Variants in WLS observed in about 807,000 individuals in gnomAD.
WLS encodes Wnt ligand secretion mediator.
WLS carries 23 observed loss-of-function variants against 62.8 expected under a neutral mutation model. The ratio of observed to expected loss-of-function variants is 0.37; its 90% CI spans 0.26 to 0.52. The LOEUF (loss-of-function observed/expected upper bound fraction) is 0.52, where lower values mean the gene tolerates loss of function less well. Ranked by LOEUF, WLS falls within the 20% of genes least tolerant of loss-of-function variation. The pLI is 0.92. For missense variants in WLS, 615 were observed against 697.3 expected, an observed-to-expected ratio of 0.88 and a Z score of 1.33; for synonymous variants, 246 against 244.1, an observed-to-expected ratio of 1.01 and a Z score of -0.07.
At chr1:68,187,978 A>G (rs1294115991) in intron 2 of WLS, among the ~76,000 whole-genome samples, 11 of 152,326 alleles carry the variant, frequency 7.2e-5, no homozygotes, top group Middle Eastern at 3.4e-3. Context: ...ATGTTACTCA[A>G]TGATTCTGAT....
At chr1:68,125,018 T>G (rs1646408405), downstream of WLS, among the ~76,000 whole-genome samples, 1 of 152,188 alleles carries the variant, frequency 6.6e-6, no homozygotes, top group Admixed American at 6.5e-5. Context: ...ATCACAGACC[T>G]TCAACAGGAA....
At chr1:68,193,397 C>CT (rs1491438401) in intron 2 of WLS, among the ~76,000 whole-genome samples, 1 of 8,060 alleles carries the variant, frequency 1.2e-4, no homozygotes, top group East Asian at 4.2e-3. Flanking sequence ...TGCAAATAAG[C>CT]TAAAAAAAAA....
intron 2 of WLS, among the ~76,000 whole-genome samples, chr1:68,184,012 G>A (rs762725555): frequency 2.0e-5 from 3 of 152,070 alleles, no homozygotes; most frequent in Non-Finnish European, 2.9e-5. Context: ...CTTTCATTAC[G>A]TAAGAATAGG....
rs1304478233 is a variant in WLS, at chr1:68,144,664, G to T, written c.1279-12C>A. On this transcript the variant is annotated splice_polypyrimidine_tract_variant and intron_variant, in intron 9 of 11. Coordinates refer to ENST00000262348, the MANE Select transcript of WLS (RefSeq NM_024911.7). ...CTAAAAATTAGCCCCTATTAGAAAAGAAAGAGTAGTTTAATACTCCATCAG... is the reference window on the plus strand; with the variant it reads ...CTAAAAATTAGCCCCTATTAGAAAATAAAGAGTAGTTTAATACTCCATCAG... 1.2e-6 allele frequency: 2 copies of T among 1,609,244 alleles called. No homozygotes were observed. The highest frequency in any genetic ancestry group is 2.2e-5 in the East Asian group (1 of 44,832).
chr1:68,189,995 C>T (rs1405107740), intron 2 of WLS, among the ~76,000 whole-genome samples: 2 of 152,114 alleles, frequency 1.3e-5, no homozygotes, highest in African/African-American at 4.8e-5. Flanking sequence ...GGTGACAGAG[C>T]GAGACTCCGT....
In WLS at chr1:68,173,054, C is replaced by T. The variant is rs569535206; in HGVS notation, c.380-13807G>A. Among the ~76,000 whole-genome samples, 3 of 152,348 alleles carry T rather than the reference C, an allele frequency of 2.0e-5. No individual in the cohort carries two copies. The East Asian group carries it at 5.8e-4, about 29-fold the overall frequency. ...TAAGGAAACTGAGGCCCACTGCTAA[C>T]ACAGTTCTCAGTGTGCTTAAGACGA... On this transcript the variant is annotated intron_variant, in intron 2 of 11. Transcript: ENST00000262348.
intron 2 of WLS, among the ~76,000 whole-genome samples, chr1:68,190,951 G>T (rs371215791): frequency 6.6e-6 from 1 of 151,828 alleles, no homozygotes; most frequent in Admixed American, 6.6e-5. Flanking sequence ...CCAGCTACTC[G>T]GGAGGCTGAG....
At chr1:68,137,353 A>G (rs1164897475) in intron 11 of WLS, among the ~76,000 whole-genome samples, 1 of 152,170 alleles carries the variant, frequency 6.6e-6, no homozygotes, top group Non-Finnish European at 1.5e-5. Context: ...TGAGCAGAAG[A>G]AAAATGAAGC....
intron 11 of WLS, among the ~76,000 whole-genome samples, chr1:68,104,514 T>A (rs943636168): frequency 1.8e-5 from 1 of 56,848 alleles, no homozygotes; most frequent in Non-Finnish European, 4.4e-5. Context: ...ATATGATCCC[T>A]CCTAAGCCCA....
chr1:68,179,163 C>T (rs1209254762), intron 2 of WLS, among the ~76,000 whole-genome samples: 1 of 152,240 alleles, frequency 6.6e-6, no homozygotes, highest in Admixed American at 6.5e-5. Context: ...CTTGACTGAG[C>T]ACTATCTTCT....
chr1:68,187,499 T>C (rs57149169), intron 2 of WLS, among the ~76,000 whole-genome samples: 26,187 of 152,046 alleles, frequency 0.17, 2,479 homozygotes, highest in East Asian at 0.34. Flanking sequence ...TTAATATTTA[T>C]ATATAGAAAT....
At chr1:68,115,520 G>C (rs938043119) in intron 11 of WLS, among the ~76,000 whole-genome samples, 1 of 152,186 alleles carries the variant, frequency 6.6e-6, no homozygotes, top group Non-Finnish European at 1.5e-5. Context: ...CTGGCTGTGT[G>C]ACACAGGGCA....
At chr1:68,196,357 G>A (rs1003916478) in intron 1 of WLS, among the ~76,000 whole-genome samples, 1 of 151,908 alleles carries the variant, frequency 6.6e-6, no homozygotes, top group Non-Finnish European at 1.5e-5. Flanking sequence ...TTGAAAGTTA[G>A]TAGTTAAAAG....
At chr1:68,145,349 T>A (rs1189829473) in intron 9 of WLS, among the ~76,000 whole-genome samples, 1 of 152,198 alleles carries the variant, frequency 6.6e-6, no homozygotes, top group Non-Finnish European at 1.5e-5. Context: ...GATTTGAGGA[T>A]GTTAAGTGTT....
intron 11 of WLS, among the ~76,000 whole-genome samples, chr1:68,106,762 AGGTG>A: frequency 6.7e-6 from 1 of 149,178 alleles, no homozygotes; most frequent in Non-Finnish European, 1.5e-5. Context: ...ATGTGTGGGT[AGGTG>A]GGTGGGTGAG....
chr1:68,131,860 T>G (rs1324861301), intron 11 of WLS, among the ~76,000 whole-genome samples: 12 of 152,126 alleles, frequency 7.9e-5, no homozygotes, highest in Admixed American at 7.9e-4. Flanking sequence ...GATTAGAATA[T>G]AGATATACAC....
At position 68,199,138 on chromosome 1, in the gene WLS, T is replaced by C. The variant is rs184597524; in HGVS notation, c.107-4911A>G. On this transcript the variant is annotated intron_variant, in intron 1 of 11. Coordinates refer to ENST00000262348, the MANE Select transcript of WLS (RefSeq NM_024911.7). The stretch of plus-strand genomic sequence containing the variant: ...AAAACAACAGGCTGACATGACACAT[T>C]GTCTCCATTTAAGCCAACATAGACT... Among the ~76,000 whole-genome samples the C allele has an allele frequency of 8.5e-4, 129 of 152,342 alleles. No individual in the cohort carries two copies. The East Asian group carries it at 0.023, about 27-fold the overall frequency.
chr1:68,198,372 T>C (rs1333742858), intron 1 of WLS, among the ~76,000 whole-genome samples: 1 of 152,206 alleles, frequency 6.6e-6, no homozygotes, highest in African/African-American at 2.4e-5. Context: ...TTTTATTTTG[T>C]CTGTATTTCA....
intron 1 of WLS, among the ~76,000 whole-genome samples, chr1:68,209,874 C>T (rs2820510): frequency 0.025 from 3,743 of 152,252 alleles, 88 homozygotes; most frequent in African/African-American, 0.059. Context: ...TCCAAGGTCA[C>T]AGCCAATAAG....
Sources: allele counts gnomAD v4.1 joint callset (sites outside exome capture counted in the v4.1 genomes callset), GRCh38; gene constraint gnomAD v4.1.1; transcripts MANE v1.5; gene names NCBI Gene and HGNC (gene_info 2026-07-23, HGNC 2026-07-21).